POLDIP3: variants seen among roughly 807,000 people sequenced by gnomAD.
The protein encoded by POLDIP3 is polymerase delta-interacting protein 3.
Under a neutral mutation model 45.1 loss-of-function variants are expected in POLDIP3, and 14 were observed. The ratio of observed to expected loss-of-function variants is 0.31; its 90% CI spans 0.20 to 0.49. The LOEUF (loss-of-function observed/expected upper bound fraction) is 0.49, where lower values mean the gene tolerates loss of function less well. Among genes scored for constraint, POLDIP3 ranks in the 20% least tolerant of loss-of-function variants. POLDIP3 has a pLI of 0.99. For missense variants in POLDIP3, 511 were observed against 538.8 expected (o/e 0.95, Z 0.51); for synonymous variants, 223 against 205.2 (o/e 1.09, Z -0.74).
chr22:42,607,626 C>G (rs989745936), intron 1 of POLDIP3, among the ~76,000 whole-genome samples: 2 of 149,192 alleles, frequency 1.3e-5, no homozygotes, highest in Non-Finnish European at 3.0e-5. Flanking sequence ...AAGTGAGGAG[C>G]GCCTCTTCCC....
intron 1 of POLDIP3, among the ~76,000 whole-genome samples, chr22:42,606,759 G>C (rs1354458692): frequency 6.6e-6 from 1 of 152,138 alleles, no homozygotes; most frequent in Non-Finnish European, 1.5e-5. Context: ...CCCAGCTTTA[G>C]ACGTCCTTTA....
intron 1 of POLDIP3, among the ~76,000 whole-genome samples, chr22:42,606,078 G>C (rs1306486539): frequency 2.6e-5 from 4 of 152,114 alleles, no homozygotes; most frequent in African/African-American, 9.7e-5. Context: ...GGAGATGGAG[G>C]TTACAGCAAG....
intron 1 of POLDIP3, among the ~76,000 whole-genome samples, chr22:42,613,547 G>A (rs974369376): frequency 6.6e-6 from 1 of 152,160 alleles, no homozygotes; most frequent in Non-Finnish European, 1.5e-5. Flanking sequence ...ATCACCTGAG[G>A]TCAGGAGTTC....
At chr22:42,601,934 C>G in intron 3 of POLDIP3, 36 bp downstream of exon 3, 1 of 1,606,256 alleles carries the variant, frequency 6.2e-7, no homozygotes, top group Non-Finnish European at 8.5e-7. Flanking sequence ...TATGTACACA[C>G]AGATTCTCTC....
chr22:42,608,259 C>T (rs964159230), intron 1 of POLDIP3, among the ~76,000 whole-genome samples: 3 of 130,652 alleles, frequency 2.3e-5, no homozygotes, highest in Non-Finnish European at 4.8e-5. Context: ...CCTTACCCCC[C>T]CCCCCAAAAA....
intron 6 of POLDIP3, among the ~76,000 whole-genome samples, chr22:42,594,828 T>A (rs1925884861): frequency 6.6e-6 from 1 of 152,182 alleles, no homozygotes; most frequent in South Asian, 2.1e-4. Flanking sequence ...TTCTTTCACT[T>A]TGGAATCATC....
chr22:42,584,632 G>A lies in POLDIP3; in HGVS notation c.*1159C>T, dbSNP rs41277499. The A allele has an allele frequency of 5.9e-3, 1,949 of 329,288 alleles. 11 individuals carry two copies. The highest frequency in any genetic ancestry group is 8.7e-3 in the Non-Finnish European group (1,476 of 169,148). 20.4% of individuals were successfully genotyped at this position (329,288 alleles called of 1,614,324 possible). A position where few individuals can be genotyped will look rare whatever the true frequency, so the allele number is the denominator to read the frequency against. On this transcript the variant is annotated 3_prime_UTR_variant, in exon 9 of 9. Coordinates refer to ENST00000252115, the MANE Select transcript of POLDIP3 (RefSeq NM_032311.5). ...GGGACTGCCTGGGCTCTGAAGTTTC[G>A]TCCCAACTGTCTGCGCCTATGCTGG...
At position 42,585,709 on chromosome 22, in the gene POLDIP3, T is replaced by A; in HGVS notation, c.*82A>T. The A allele has an allele frequency of 1.4e-6, 2 of 1,471,062 alleles. No homozygotes were observed. Among genetic ancestry groups the A allele is most frequent in the South Asian group, 2.7e-5 (2 of 75,414 alleles). 91.1% of individuals were successfully genotyped at this position (1,471,062 alleles called of 1,614,324 possible). ...CCACAATCAGGGGTCTCCAGTCCGA[T>A]GGCCCATTGGTCATAAGCTTTGCCT... On this transcript the variant is annotated 3_prime_UTR_variant, in exon 9 of 9. Coordinates refer to ENST00000252115, the MANE Select transcript of POLDIP3 (RefSeq NM_032311.5).
Position 42,597,332 on chromosome 22 carries a change from A to T in POLDIP3, c.634-967T>A, listed in dbSNP as rs189366127. On this transcript the variant is annotated intron_variant, in intron 4 of 8. Transcript: ENST00000252115. ...AGCGGCCAGAGAGGCACATCAGAGC[A>T]TGGGCACGGGCAATTCACCACGCTC... 4.5e-3 allele frequency among the ~76,000 whole-genome samples: 680 copies of T among 152,364 alleles called. 2 individuals carry two copies. Among genetic ancestry groups the T allele is most frequent in the African/African-American group, 0.015 (637 of 41,582 alleles).
At chr22:42,598,962 T>C (rs953924338) in intron 4 of POLDIP3, among the ~76,000 whole-genome samples, 2 of 152,218 alleles carry the variant, frequency 1.3e-5, no homozygotes, top group Non-Finnish European at 2.9e-5. Context: ...AGGCTGCACC[T>C]GGTAGAGCCC....
chr22:42,614,172 T>C (rs1048517292), intron 1 of POLDIP3, among the ~76,000 whole-genome samples: 1 of 152,090 alleles, frequency 6.6e-6, no homozygotes, highest in Non-Finnish European at 1.5e-5. Flanking sequence ...ACTCTACCAC[T>C]TCCAGCCTCA....
chr22:42,603,852 T>C (rs1051159447), intron 1 of POLDIP3, among the ~76,000 whole-genome samples: 4 of 152,320 alleles, frequency 2.6e-5, no homozygotes, highest in Admixed American at 2.6e-4. Flanking sequence ...ATTTGGGTAA[T>C]GGGTACACTA....
At chr22:42,586,118 C>G (rs1231228300) in intron 8 of POLDIP3, 150 bp from the exon 9 acceptor site, 2 of 714,142 alleles carry the variant, frequency 2.8e-6, no homozygotes, top group Non-Finnish European at 4.4e-6. Context: ...GCAGCAAACT[C>G]AATCACAGCT....
In POLDIP3 at chr22:42,592,075, A is replaced by G; in HGVS notation, c.901T>C (p.Cys301Arg). 1 of 1,614,206 alleles carries G rather than the reference A, an allele frequency of 6.2e-7. No homozygotes were observed. Among genetic ancestry groups the G allele is most frequent in the Non-Finnish European group, 8.5e-7 (1 of 1,180,016 alleles). ...VTEEDIVELFCVCGALKRARL... is the reference protein window; with the variant it reads ...VTEEDIVELFRVCGALKRARL... ...GCTCGCTTGAGGGCCCCACACACAC[A>G]GAAAAGCTCCTGCACACAACAAGAG... The change falls in exon 7 of 9, where the codon TGT becomes CGT. Residue 301 changes from cysteine (C) to arginine (R), a missense_variant. This residue lies in a region of POLDIP3 where 66 missense variants were observed against 118.1 expected (regional missense o/e 0.56). Transcript: ENST00000252115.
In POLDIP3 at chr22:42,585,984, A is replaced by T. The variant is rs777788044; in HGVS notation, c.1089-16T>A. ...ACTCAGCCGCCTGTGGAGAGCAGAG[A>T]AGAGTCAAAAATTCTTGTCAGTTTT... On this transcript the variant is annotated splice_polypyrimidine_tract_variant and intron_variant, in intron 8 of 8. Coordinates refer to ENST00000252115, the MANE Select transcript of POLDIP3 (RefSeq NM_032311.5). The T allele has an allele frequency of 1.2e-5, 19 of 1,582,410 alleles. No individual in the cohort carries two copies. The African/African-American group carries it at 2.2e-4, about 18-fold the overall frequency.
chr22:42,587,698 T>A (rs1925400187), intron 7 of POLDIP3, 126 bp from the exon 8 acceptor site: 1 of 874,440 alleles, frequency 1.1e-6, no homozygotes, highest in Non-Finnish European at 1.9e-6. Flanking sequence ...GCTCCACAGA[T>A]GGAGATGGGG....
intron 3 of POLDIP3, among the ~76,000 whole-genome samples, chr22:42,601,372 CAA>C (rs1926360444): frequency 7.3e-6 from 1 of 136,094 alleles, no homozygotes; most frequent in African/African-American, 2.7e-5. Context: ...AAAAACAAAA[CAA>C]AAGACAAAAA....
At chr22:42,595,130 T>C (rs941831369) in intron 6 of POLDIP3, among the ~76,000 whole-genome samples, 1 of 152,226 alleles carries the variant, frequency 6.6e-6, no homozygotes, top group Non-Finnish European at 1.5e-5. Context: ...GCAAACAACA[T>C]GGTTTCTGCT....
chr22:42,596,171 C>T lies in POLDIP3; in HGVS notation c.813+15G>A. 1 of 1,613,160 alleles carries T rather than the reference C, an allele frequency of 6.2e-7. No individual in the cohort carries two copies. Among genetic ancestry groups the T allele is most frequent in the Non-Finnish European group, 8.5e-7 (1 of 1,179,496 alleles). ...CTCCTGACCCCAACTGCTGCAGTCA[C>T]CACCATCACCTCACCTCAGCAGCTG... On this transcript the variant is annotated intron_variant, in intron 5 of 8. Coordinates refer to ENST00000252115, the MANE Select transcript of POLDIP3 (RefSeq NM_032311.5).
Sources: gnomAD v4.1 joint callset for allele counts (sites outside exome capture counted in the v4.1 genomes callset) on GRCh38, gnomAD v4.1.1 for gene constraint, gnomAD v4.1.1 regional missense constraint, MANE v1.5 for transcripts, NCBI Gene and HGNC (gene_info 2026-07-23, HGNC 2026-07-21) for gene names.